GSDME: variants seen among roughly 807,000 people sequenced by gnomAD.
GSDME encodes gasdermin E, also known as gasdermin-E.
Under a neutral mutation model 47.5 loss-of-function variants are expected in GSDME, and 44 were observed. That is an observed-to-expected ratio of 0.93 (90% confidence interval 0.73 to 1.19). The LOEUF (loss-of-function observed/expected upper bound fraction) is 1.19, where lower values mean the gene tolerates loss of function less well. Among genes scored for constraint, GSDME ranks in the 50% most tolerant of loss-of-function variants. The probability of loss-of-function intolerance (pLI) is 0.00; values close to 1 mark genes in which losing one functional copy is unlikely to be tolerated. For synonymous variants in GSDME, 258 were observed against 252.8 expected, an observed-to-expected ratio of 1.02 and a Z score of -0.20; for missense variants, 663 against 604.2, an observed-to-expected ratio of 1.10 and a Z score of -1.02.
Position 24,745,218 on chromosome 7 carries a change from G to A in GSDME, c.212-464C>T, listed in dbSNP as rs748360285. On this transcript the variant is annotated intron_variant, in intron 2 of 9. Transcript: ENST00000645220. The surrounding 1 kb of genome is among the most constrained non-coding windows in gnomAD (Gnocchi z 4.4). ...TTTTAAATGTGTACTTTTCCAGGGT[G>A]AAGACTGAAAGGGACTAGACAAAGA... Among the ~76,000 whole-genome samples the A allele has an allele frequency of 6.6e-6, 1 of 152,154 alleles. No individual in the cohort carries two copies. The highest frequency in any genetic ancestry group is 1.5e-5 in the Non-Finnish European group (1 of 68,024).
chr7:24,744,718 T>A lies in GSDME; in HGVS notation c.248A>T (p.Lys83Met). ...VESDFVKYEG[K>M]FANHVSGTLE... ...GGTTCCACTCACGTGGTTTGCAAAC[T>A]TGCCCTCGTATTTCACAAAGTCCGA... The change falls in exon 3 of 10, where the codon AAG (lysine) becomes ATG (methionine). Residue 83 changes from lysine (K) to methionine (M), a missense_variant. Lys to Met is a moderately conservative substitution (Grantham distance 95). Transcript: ENST00000645220. This position sits in a 1 kb window ranked among gnomAD's most constrained non-coding sequence, Gnocchi z 4.5. 2 of 1,614,146 alleles carry A rather than the reference T, an allele frequency of 1.2e-6. No individual in the cohort carries two copies. Among genetic ancestry groups the A allele is most frequent in the African/African-American group, 1.3e-5 (1 of 75,030 alleles).
intron 5 of GSDME, among the ~76,000 whole-genome samples, chr7:24,713,249 C>G (rs545076104): frequency 1.3e-5 from 2 of 152,178 alleles, no homozygotes; most frequent in African/African-American, 4.8e-5. Context: ...TGTCCTGTGT[C>G]GGGAGACACG....
intron 6 of GSDME, among the ~76,000 whole-genome samples, chr7:24,708,959 C>A (rs897078674): frequency 9.2e-5 from 14 of 152,040 alleles, no homozygotes; most frequent in African/African-American, 3.1e-4. Context: ...TAAATTAAGT[C>A]TAGTGGAGAT....
chr7:24,782,728 G>T, the GSDME span, among the ~76,000 whole-genome samples: 1 of 152,200 alleles, frequency 6.6e-6, no homozygotes, highest in African/African-American at 2.4e-5. Context: ...TCCAGCACCT[G>T]TTGTTTCCTG....
At chr7:24,710,551 A>G in intron 5 of GSDME, 163 bp from the exon 6 acceptor site, 1 of 660,056 alleles carries the variant, frequency 1.5e-6, no homozygotes, top group Non-Finnish European at 2.6e-6. Context: ...TACACACATT[A>G]TGTTGCTTGA....
In GSDME at chr7:24,712,031, C is replaced by T. The variant is rs149397014; in HGVS notation, c.698-1643G>A. Among the ~76,000 whole-genome samples, 22 of 152,246 alleles carry T rather than the reference C, an allele frequency of 1.4e-4. No homozygotes were observed. The East Asian group carries it at 3.1e-3, about 21-fold the overall frequency. On this transcript the variant is annotated intron_variant, in intron 5 of 9. Coordinates refer to ENST00000645220, the MANE Select transcript of GSDME (RefSeq NM_001127453.2). This position sits in a 1 kb window ranked among gnomAD's most constrained non-coding sequence, Gnocchi z 4.4. ...GCTATGGAATAAAAATGTGGCAGGGCCCCGTATTTGCTGAAATGTAGAAGG... is the reference window on the plus strand; with the variant it reads ...GCTATGGAATAAAAATGTGGCAGGGTCCCGTATTTGCTGAAATGTAGAAGG...
chr7:24,711,833 A>AAG (rs70942879), intron 5 of GSDME, among the ~76,000 whole-genome samples: 1 of 150,264 alleles, frequency 6.7e-6, no homozygotes, highest in African/African-American at 2.4e-5. Context: ...AAAAAAAAAA[A>AAG]GGCAAAGAAA....
the GSDME span, among the ~76,000 whole-genome samples, chr7:24,772,048 C>G: frequency 6.6e-6 from 1 of 152,208 alleles, no homozygotes; most frequent in Admixed American, 6.5e-5. This position sits in a 1 kb window ranked among gnomAD's most constrained non-coding sequence, Gnocchi z 4.5. Flanking sequence ...GCTGGTGACA[C>G]GAGCTTTGGG....
At chr7:24,763,342 T>C in the GSDME span, among the ~76,000 whole-genome samples, 2 of 151,850 alleles carry the variant, frequency 1.3e-5, no homozygotes, top group Admixed American at 1.3e-4. The surrounding 1 kb of genome is among the most constrained non-coding windows in gnomAD (Gnocchi z 4.3). Flanking sequence ...AGCTTCTCTT[T>C]GGAATATCCC....
At chr7:24,785,310 C>A in the GSDME span, among the ~76,000 whole-genome samples, 17 of 152,252 alleles carry the variant, frequency 1.1e-4, no homozygotes, top group Non-Finnish European at 2.2e-4. Flanking sequence ...CCTTGAGTTG[C>A]AATTTCACTA....
At chr7:24,706,124 T>C in intron 8 of GSDME, 60 bp downstream of exon 8, 1 of 1,590,544 alleles carries the variant, frequency 6.3e-7, no homozygotes, top group African/African-American at 1.3e-5. Context: ...GAAGCATAGA[T>C]AGTAGGCAAA....
intron 5 of GSDME, chr7:24,715,591 C>T: frequency 2.3e-6 from 1 of 442,382 alleles, no homozygotes; most frequent in Non-Finnish European, 4.7e-6. Flanking sequence ...CCCAAAAGTG[C>T]AGATGGTGAC....
At chr7:24,719,700 C>T (rs1001371117) in intron 3 of GSDME, among the ~76,000 whole-genome samples, 22 of 151,716 alleles carry the variant, frequency 1.5e-4, no homozygotes, top group African/African-American at 5.1e-4. Context: ...GGCTGAGGCA[C>T]GAGAATCGCT....
rs1194297971 is a variant in GSDME at position 24,735,418 on chromosome 7, A to G, written c.404+9144T>C. On this transcript the variant is annotated intron_variant, in intron 3 of 9. Transcript: ENST00000645220. This position sits in a 1 kb window ranked among gnomAD's most constrained non-coding sequence, Gnocchi z 4.4. ...ACACTGTCACTGTGGTATGTAAACTACTCATATCTTAAGCAGAAAGACAAA... is the reference window on the plus strand; with the variant it reads ...ACACTGTCACTGTGGTATGTAAACTGCTCATATCTTAAGCAGAAAGACAAA... Among the ~76,000 whole-genome samples the G allele has an allele frequency of 2.6e-5, 4 of 152,156 alleles. No individual in the cohort carries two copies. In the South Asian group the frequency reaches 6.2e-4, roughly 24 times the overall value.
At chr7:24,738,998 C>T (rs113229869) in intron 3 of GSDME, among the ~76,000 whole-genome samples, 19,348 of 152,180 alleles carry the variant, frequency 0.13, 1,300 homozygotes, top group Middle Eastern at 0.22. Context: ...GGATTAAACA[C>T]TTAAATCTAA....
the GSDME span, among the ~76,000 whole-genome samples, chr7:24,782,750 A>G: frequency 6.6e-6 from 1 of 152,140 alleles, no homozygotes; most frequent in Admixed American, 6.5e-5. Context: ...CTTTTTAATG[A>G]TTGCCATTCT....
intron 4 of GSDME, among the ~76,000 whole-genome samples, chr7:24,717,997 G>A (rs1050137991): frequency 1.3e-5 from 2 of 152,220 alleles, no homozygotes; most frequent in African/African-American, 2.4e-5. Context: ...GCCAAACACT[G>A]GCAATCAGAG....
At chr7:24,748,017 T>G (rs1790723396) in intron 2 of GSDME, among the ~76,000 whole-genome samples, 1 of 152,026 alleles carries the variant, frequency 6.6e-6, no homozygotes, top group African/African-American at 2.4e-5. Context: ...CAAATTAGGG[T>G]ACATACACTC....
Position 24,754,485 on chromosome 7 carries a change from CAAAAA to C in GSDME, c.-20+2906_-20+2910del, listed in dbSNP as rs34712480. Among the ~76,000 whole-genome samples, 2 of 131,584 alleles carry C rather than the reference CAAAAA, an allele frequency of 1.5e-5. No homozygotes were observed. Among genetic ancestry groups the C allele is most frequent in the Admixed American group, 7.6e-5 (1 of 13,114 alleles). The allele number at this position is 131,584 out of a possible 152,430, so 86.3% of individuals were successfully genotyped here. A position where few individuals can be genotyped will look rare whatever the true frequency, so the allele number is the denominator to read the frequency against. On this transcript the variant is annotated intron_variant, in intron 1 of 9. Coordinates refer to ENST00000645220, the MANE Select transcript of GSDME (RefSeq NM_001127453.2). The surrounding 1 kb of genome is among the most constrained non-coding windows in gnomAD (Gnocchi z 5.0). The stretch of plus-strand genomic sequence containing the variant: ...GGGCAACAAGAGCGAAACTTTGTCT[CAAAAA>C]AAAAAAAAAAAAGTTGTATTAGCAA...
Sources: gnomAD v4.1 joint callset for allele counts (sites outside exome capture counted in the v4.1 genomes callset) on GRCh38, gnomAD v4.1.1 for gene constraint, Gnocchi (gnomAD v3.1) non-coding constraint, MANE v1.5 for transcripts, NCBI Gene and HGNC (gene_info 2026-07-23, HGNC 2026-07-21) for gene names.